The following CHLSN variants were observed in gnomAD, a reference collection of about 807,000 sequenced individuals.
The protein encoded by CHLSN is protein cholesin.
the CHLSN span, among the ~76,000 whole-genome samples, chr7:1,082,470 C>T: frequency 6.6e-6 from 1 of 152,222 alleles, no homozygotes; most frequent in Non-Finnish European, 1.5e-5. Flanking sequence ...GATGATCCAT[C>T]CCCACTTAAA....
At chr7:999,901 G>A in the CHLSN span, among the ~76,000 whole-genome samples, 2 of 152,226 alleles carry the variant, frequency 1.3e-5, no homozygotes, top group East Asian at 1.9e-4. Flanking sequence ...ATTCTGTCTC[G>A]TTTCATCCTG....
chr7:1,056,055 G>A, the CHLSN span: 3 of 153,650 alleles, frequency 2.0e-5, no homozygotes, highest in African/African-American at 7.2e-5. Context: ...GAAGCCCGCA[G>A]AGGCCCGGAC....
At chr7:1,049,936 C>G in the CHLSN span, among the ~76,000 whole-genome samples, 1 of 152,184 alleles carries the variant, frequency 6.6e-6, no homozygotes, top group Non-Finnish European at 1.5e-5. Context: ...GGCCTGGCAG[C>G]AGCCAGCAGC....
At chr7:1,132,061 T>C in the CHLSN span, among the ~76,000 whole-genome samples, 2,134 of 152,286 alleles carry the variant, frequency 0.014, 50 homozygotes, top group Admixed American at 0.062. Flanking sequence ...TAACTCAAAA[T>C]AGATCAAAGT....
chr7:1,036,461 C>T, the CHLSN span, among the ~76,000 whole-genome samples: 12 of 125,598 alleles, frequency 9.6e-5, no homozygotes, highest in African/African-American at 2.6e-4. Context: ...GTGGTGTGGC[C>T]GTGTAGGGTT....
the CHLSN span, among the ~76,000 whole-genome samples, chr7:1,069,591 T>TC: frequency 3.1e-5 from 4 of 130,524 alleles, no homozygotes; most frequent in Admixed American, 7.4e-5. Flanking sequence ...CCGCGAGTGA[T>TC]CCGCCAACCT....
the CHLSN span, among the ~76,000 whole-genome samples, chr7:1,019,795 A>G: frequency 2.6e-5 from 4 of 152,116 alleles, no homozygotes; most frequent in African/African-American, 9.7e-5. Context: ...CTCCTGATGG[A>G]GTGTGGGGGG....
chr7:1,053,072 G>C, the CHLSN span, among the ~76,000 whole-genome samples: 37 of 152,338 alleles, frequency 2.4e-4, no homozygotes, highest in Admixed American at 1.1e-3. Flanking sequence ...CCTGCCCAGT[G>C]GGGGGAGAAG....
At chr7:1,078,878 C>T in the CHLSN span, among the ~76,000 whole-genome samples, 1 of 152,250 alleles carries the variant, frequency 6.6e-6, no homozygotes, top group Non-Finnish European at 1.5e-5. Context: ...CCCCTCAAGC[C>T]CCAGCTCAGC....
chr7:1,119,942 G>A, the CHLSN span, among the ~76,000 whole-genome samples: 1 of 149,632 alleles, frequency 6.7e-6, no homozygotes, highest in Non-Finnish European at 1.5e-5. Context: ...CTTTCTTTTA[G>A]AACAAAAGAA....
the CHLSN span, among the ~76,000 whole-genome samples, chr7:1,046,332 C>T: frequency 2.0e-5 from 3 of 152,184 alleles, no homozygotes; most frequent in Non-Finnish European, 2.9e-5. Context: ...CCAGAGAACC[C>T]GGCCGACCGT....
chr7:984,663 TC>T, the CHLSN span: 1 of 1,480,866 alleles, frequency 6.8e-7, no homozygotes, highest in South Asian at 1.3e-5. Flanking sequence ...CGGGAGAGGC[TC>T]CCAGGGTGGC....
At chr7:1,129,822 G>C in the CHLSN span, among the ~76,000 whole-genome samples, 1 of 152,282 alleles carries the variant, frequency 6.6e-6, no homozygotes, top group Non-Finnish European at 1.5e-5. Context: ...ATTTCTAACT[G>C]GACATGAACA....
the CHLSN span, among the ~76,000 whole-genome samples, chr7:1,017,376 G>T: frequency 3.3e-5 from 5 of 152,214 alleles, no homozygotes; most frequent in Admixed American, 3.3e-4. Flanking sequence ...GGCCTGCCGT[G>T]CCCTGCTGTG....
At chr7:1,030,782 C>T in the CHLSN span, among the ~76,000 whole-genome samples, 9 of 151,696 alleles carry the variant, frequency 5.9e-5, no homozygotes, top group East Asian at 3.9e-4. Context: ...TCTCTCTCCC[C>T]GGGCAGGTGG....
At chr7:1,011,480 GAC>G in the CHLSN span, among the ~76,000 whole-genome samples, 1 of 122,442 alleles carries the variant, frequency 8.2e-6, no homozygotes, top group African/African-American at 3.4e-5. Context: ...CCCACACCCA[GAC>G]ACACCTTCAC....
the CHLSN span, among the ~76,000 whole-genome samples, chr7:1,047,262 T>A: frequency 6.6e-6 from 1 of 152,222 alleles, no homozygotes; most frequent in Non-Finnish European, 1.5e-5. Flanking sequence ...GAGCCCGTCC[T>A]GGAGCCGCAA....
At chr7:984,366 T>TC in the CHLSN span, 1 of 1,534,070 alleles carries the variant, frequency 6.5e-7, no homozygotes, top group South Asian at 1.2e-5. Flanking sequence ...CTAAGGGGGG[T>TC]CTTGTGGGTG....
At chr7:984,314 C>T in the CHLSN span, 4 of 1,449,604 alleles carry the variant, frequency 2.8e-6, no homozygotes, top group Non-Finnish European at 3.6e-6. Flanking sequence ...CATTTTCCCT[C>T]TGTCCCCACC....
Sources: allele counts gnomAD v4.1 joint callset (sites outside exome capture counted in the v4.1 genomes callset), GRCh38; gene constraint gnomAD v4.1.1; transcripts MANE v1.5; gene names NCBI Gene and HGNC (gene_info 2026-07-23, HGNC 2026-07-21).